The following CTNNA2 variants were observed in gnomAD, a reference collection of about 807,000 sequenced individuals.
The protein encoded by CTNNA2 is catenin alpha 2, also known as catenin alpha-2.
Under a neutral mutation model 101.0 loss-of-function variants are expected in CTNNA2, and 42 were observed. The observed-to-expected ratio is 0.42, with a 90% CI of 0.32 to 0.54. The LOEUF is 0.54. CTNNA2 is among the 20% of genes least tolerant of loss of function. The pLI is 0.14. For synonymous variants in CTNNA2, 450 were observed against 456.4 expected, an observed-to-expected ratio of 0.99 and a Z score of 0.18; for missense variants, 871 against 1,223.1, an observed-to-expected ratio of 0.71 and a Z score of 4.29.
In CTNNA2 at chr2:79,713,895, G is replaced by A. The variant is rs112639981; in HGVS notation, c.103-30492G>A. On this transcript the variant is annotated intron_variant, in intron 2 of 18. Transcript: ENST00000402739. ...ACCCAAGAATTTAAATTCTACCTAG[G>A]AGCCCCTCATTGATTTCTTTGCTTA... 3.4e-3 allele frequency among the ~76,000 whole-genome samples: 513 copies of A among 152,226 alleles called. 6 individuals carry two copies. The highest frequency in any genetic ancestry group is 5.1e-3 in the Admixed American group (78 of 15,290).
chr2:80,289,213 A>G (rs1471458965), intron 7 of CTNNA2: 1 of 152,128 alleles, frequency 6.6e-6, no homozygotes, highest in East Asian at 1.9e-4. Flanking sequence ...GAACCATAAT[A>G]TTAAAATAAA....
chr2:80,095,503 T>C (rs1161450967), intron 7 of CTNNA2, among the ~76,000 whole-genome samples: 1 of 152,244 alleles, frequency 6.6e-6, no homozygotes, highest in East Asian at 1.9e-4. Context: ...GGTATCAGGA[T>C]GATGCTGGCC....
chr2:79,779,902 TG>T (rs1403535962), intron 3 of CTNNA2, among the ~76,000 whole-genome samples: 1 of 151,984 alleles, frequency 6.6e-6, no homozygotes, highest in Non-Finnish European at 1.5e-5. Context: ...TGATGGGAGG[TG>T]GGAGCCAGAC....
intron 13 of CTNNA2, among the ~76,000 whole-genome samples, chr2:80,576,574 T>C (rs1695067661): frequency 6.6e-6 from 1 of 151,950 alleles, no homozygotes; most frequent in Non-Finnish European, 1.5e-5. Context: ...TCTTGAATCA[T>C]TGCTTCTAGG....
chr2:80,377,857 C>T (rs573585375), intron 7 of CTNNA2, among the ~76,000 whole-genome samples: 32 of 152,250 alleles, frequency 2.1e-4, no homozygotes, highest in Admixed American at 8.5e-4. Flanking sequence ...TTATCTTCCT[C>T]GGTCATCTAT....
At chr2:79,297,025 C>G (rs1675994778) in intron 2 of CTNNA2, among the ~76,000 whole-genome samples, 1 of 152,050 alleles carries the variant, frequency 6.6e-6, no homozygotes, top group Non-Finnish European at 1.5e-5. Flanking sequence ...ATCATTCAAC[C>G]ATTTCTGATT....
In CTNNA2 at chr2:80,509,727, A is replaced by G. The variant is rs1220085444; in HGVS notation, c.1291-35255A>G. Among the ~76,000 whole-genome samples, 5 of 152,246 alleles carry G rather than the reference A, an allele frequency of 3.3e-5. No homozygotes were observed. The South Asian group carries it at 1.0e-3, about 32-fold the overall frequency. On this transcript the variant is annotated intron_variant, in intron 9 of 18. Transcript: ENST00000402739. ...TGAGATAATGGTTGTCATCAGTCCTAGCTAGCTTATTGGCAGGTAACCTAC... is the reference window on the plus strand; with the variant it reads ...TGAGATAATGGTTGTCATCAGTCCTGGCTAGCTTATTGGCAGGTAACCTAC...
chr2:80,085,501 GA>G (rs1477937042), intron 7 of CTNNA2, among the ~76,000 whole-genome samples: 2 of 152,024 alleles, frequency 1.3e-5, no homozygotes, highest in Admixed American at 6.6e-5. Context: ...AAATTATGGG[GA>G]AAAAAATAAG....
chr2:80,605,493 T>C (rs1387652083), intron 16 of CTNNA2: 2 of 152,006 alleles, frequency 1.3e-5, no homozygotes, highest in Non-Finnish European at 2.9e-5. Context: ...TCCTTCTCCA[T>C]ATATGGCTCT....
At chr2:79,793,888 G>GCGCACACACA (rs1553469157) in intron 3 of CTNNA2, among the ~76,000 whole-genome samples, 52 of 142,622 alleles carry the variant, frequency 3.6e-4, no homozygotes, top group African/African-American at 1.3e-3. Flanking sequence ...ACACACTCAT[G>GCGCACACACA]CACACACACA....
chr2:79,835,749 C>T (rs1222973507), intron 3 of CTNNA2, among the ~76,000 whole-genome samples: 1 of 137,418 alleles, frequency 7.3e-6, no homozygotes, highest in African/African-American at 2.8e-5. Flanking sequence ...TCTCCTGCCT[C>T]AGCCTCCCAA....
chr2:80,356,161 T>C (rs1339810568), intron 7 of CTNNA2, among the ~76,000 whole-genome samples: 1 of 152,144 alleles, frequency 6.6e-6, no homozygotes, highest in Non-Finnish European at 1.5e-5. Flanking sequence ...CTGATTTTCT[T>C]CTTGAAAATA....
intron 4 of CTNNA2, among the ~76,000 whole-genome samples, chr2:79,445,944 T>C (rs1678828769): frequency 6.6e-6 from 1 of 152,128 alleles, no homozygotes; most frequent in South Asian, 2.1e-4. Context: ...TATTTATAGT[T>C]CATAAAAGAT....
chr2:80,527,501 T>A (rs1281247850), intron 9 of CTNNA2, among the ~76,000 whole-genome samples: 1 of 152,162 alleles, frequency 6.6e-6, no homozygotes, highest in Non-Finnish European at 1.5e-5. Context: ...TTGTGTTAGA[T>A]CAGTTTTACC....
chr2:79,800,012 T>A (rs1156678670), intron 3 of CTNNA2, among the ~76,000 whole-genome samples: 1 of 152,118 alleles, frequency 6.6e-6, no homozygotes, highest in Non-Finnish European at 1.5e-5. Context: ...CTGATACAGT[T>A]TTTCAGACAT....
At position 80,590,670 on chromosome 2, in the gene CTNNA2, T is replaced by C. The variant is rs1696407832; in HGVS notation, c.2189+1185T>C. Among the ~76,000 whole-genome samples, 3 of 152,184 alleles carry C rather than the reference T, an allele frequency of 2.0e-5. No individual in the cohort carries two copies. In the South Asian group the frequency reaches 6.2e-4, roughly 32 times the overall value. On this transcript the variant is annotated intron_variant, in intron 15 of 18. Transcript: ENST00000402739. ...TTTGCCTCTGGCCAATATGTACTAATGACATAGCTTGGCCCTTTTTCCCAA... is the reference window on the plus strand; with the variant it reads ...TTTGCCTCTGGCCAATATGTACTAACGACATAGCTTGGCCCTTTTTCCCAA...
At chr2:79,831,357 A>T (rs910869309) in intron 3 of CTNNA2, among the ~76,000 whole-genome samples, 16 of 152,172 alleles carry the variant, frequency 1.1e-4, no homozygotes, top group African/African-American at 3.9e-4. Context: ...TTCTTTTCTT[A>T]TGCTAACTCC....
At chr2:80,255,176 G>A (rs1183115030) in intron 7 of CTNNA2, among the ~76,000 whole-genome samples, 1 of 152,074 alleles carries the variant, frequency 6.6e-6, no homozygotes, top group Non-Finnish European at 1.5e-5. Flanking sequence ...ATCCTTTCAT[G>A]GTTAGCAGAA....
rs141741492 is a variant in CTNNA2 at position 79,656,117 on chromosome 2, T to G, written c.102+4459T>G. 1.4e-4 allele frequency among the ~76,000 whole-genome samples: 22 copies of G among 152,256 alleles called. No homozygotes were observed. The East Asian group carries it at 4.3e-3, about 29-fold the overall frequency. On this transcript the variant is annotated intron_variant, in intron 2 of 18. Transcript: ENST00000402739. ...ATTTAAAAAAATTAAATATGTGAAT[T>G]TTAAGATGGGATTTTCCTTATGATA...
Sources: allele counts gnomAD v4.1 joint callset (sites outside exome capture counted in the v4.1 genomes callset), GRCh38; gene constraint gnomAD v4.1.1; transcripts MANE v1.5; gene names NCBI Gene and HGNC (gene_info 2026-07-23, HGNC 2026-07-21).